The following GDF7 variants were observed in gnomAD, a reference collection of about 807,000 sequenced individuals.
GDF7 encodes the protein growth/differentiation factor 7.
A neutral mutation model predicts 13.4 loss-of-function variants in GDF7; 12 were observed. The ratio of observed to expected loss-of-function variants is 0.90; its 90% CI spans 0.57 to 1.45. The LOEUF (loss-of-function observed/expected upper bound fraction) is 1.45. Ranked by LOEUF, GDF7 falls within the 40% of genes most tolerant of loss-of-function variation. GDF7 has a pLI of 0.00. For missense variants in GDF7, 651 were observed against 652.4 expected (o/e 1.00, Z 0.02); for synonymous variants, 330 against 306.4 (o/e 1.08, Z -0.80).
Position 20,670,452 on chromosome 2 carries a change from G to A in GDF7, c.392-12G>A, listed in dbSNP as rs201812180. On this transcript the variant is annotated splice_polypyrimidine_tract_variant and intron_variant, in intron 1 of 1. Transcript: ENST00000272224. The stretch of plus-strand genomic sequence containing the variant: ...ACAGCTCTTTCTCTCTGTCCCTGCC[G>A]GTCCCCCGCAGACGAATCGGCAGCC... 5.9e-6 allele frequency: 9 copies of A among 1,517,476 alleles called. No homozygotes were observed. Among genetic ancestry groups the A allele is most frequent in the Non-Finnish European group, 8.0e-6 (9 of 1,131,884 alleles). 94.0% of individuals were successfully genotyped at this position (1,517,476 alleles called of 1,614,324 possible).
At position 20,667,274 on chromosome 2, in the gene GDF7, G is replaced by A. The variant is rs1430989898; in HGVS notation, c.35G>A (p.Trp12Ter). ...DLSAAAALCL[W>*]LLSACRPRDG... ...AGCGCCGCCGCCGCGCTGTGCCTTT[G>A]GCTGCTGAGCGCCTGCCGCCCCCGC... The change falls in exon 1 of 2, where the codon TGG becomes TAG. Residue 12 changes from tryptophan (W) to a stop codon, truncating the protein, a stop_gained. Coordinates refer to ENST00000272224, the MANE Select transcript of GDF7 (RefSeq NM_182828.4). LOFTEE classifies it high-confidence loss of function. The surrounding 1 kb of genome is among the most constrained non-coding windows in gnomAD (Gnocchi z 6.4). The A allele has an allele frequency of 1.6e-6, 2 of 1,236,392 alleles. No individual in the cohort carries two copies. The highest frequency in any genetic ancestry group is 2.0e-6 in the Non-Finnish European group (2 of 980,506). The allele number at this position is 1,236,392 out of a possible 1,614,324, so 76.6% of individuals were successfully genotyped here.
chr2:20,667,359 AG>A lies in GDF7; in HGVS notation c.125del (p.Gly42AlafsTer51). 6.4e-6 allele frequency: 2 copies of A among 311,498 alleles called. No homozygotes were observed. The highest frequency in any genetic ancestry group is 7.5e-6 in the Non-Finnish European group (2 of 267,246). 19.3% of individuals were successfully genotyped at this position (311,498 alleles called of 1,614,324 possible). On this transcript the variant is annotated frameshift_variant, in exon 1 of 2. Transcript: ENST00000272224. LOFTEE classifies it high-confidence loss of function. The surrounding 1 kb of genome is among the most constrained non-coding windows in gnomAD (Gnocchi z 6.4). ...AAGAGPVRSP[G>X]GGGGGGGGGR... Reference sequence around the variant, plus strand: ...CGGGGGCTGGGCCGGTCCGGAGCCCAGGGGGCGGCGGCGGCGGCGGCGGCGG... The same window carrying A: ...CGGGGGCTGGGCCGGTCCGGAGCCCAGGGGCGGCGGCGGCGGCGGCGGCGG...
chr2:20,671,665 G>A lies in GDF7; in HGVS notation c.*240G>A. On this transcript the variant is annotated 3_prime_UTR_variant, in exon 2 of 2. Coordinates refer to ENST00000272224, the MANE Select transcript of GDF7 (RefSeq NM_182828.4). ...CCGGTACCGAATGTCAAAGCCCTGT[G>A]TATTTTGCAAACAGATAACCATGGC... 1.9e-6 allele frequency: 1 copy of A among 532,006 alleles called. No homozygotes were observed. The highest frequency in any genetic ancestry group is 1.9e-5 in the African/African-American group (1 of 52,454). The allele number at this position is 532,006 out of a possible 1,614,324, so 33.0% of individuals were successfully genotyped here. A position where few individuals can be genotyped will look rare whatever the true frequency, so the allele number is the denominator to read the frequency against.
rs868341707 is a variant in GDF7 at position 20,667,670 on chromosome 2, C to T, written c.391+40C>T. On this transcript the variant is annotated intron_variant, in intron 1 of 1. Transcript: ENST00000272224. The surrounding 1 kb of genome is among the most constrained non-coding windows in gnomAD (Gnocchi z 6.4). The stretch of plus-strand genomic sequence containing the variant: ...TCTGTGCCCGCCCATCCCGTCAGGT[C>T]CTGGGCTGAGACCAGCCCCGGAGCC... 3.0e-6 allele frequency: 4 copies of T among 1,341,430 alleles called. No individual in the cohort carries two copies. Among genetic ancestry groups the T allele is most frequent in the Non-Finnish European group, 3.8e-6 (4 of 1,045,818 alleles). 83.1% of individuals were successfully genotyped at this position (1,341,430 alleles called of 1,614,324 possible).
rs1261537704 is a variant in GDF7 at position 20,674,186 on chromosome 2, C to A, written c.*2761C>A. 6.6e-6 allele frequency: 1 copy of A among 152,166 alleles called. No individual in the cohort carries two copies. The highest frequency in any genetic ancestry group is 1.5e-5 in the Non-Finnish European group (1 of 68,040). 9.4% of individuals were successfully genotyped at this position (152,166 alleles called of 1,614,324 possible). On this transcript the variant is annotated 3_prime_UTR_variant, in exon 2 of 2. Transcript: ENST00000272224. ...GACAGGCCTGGGTGACTGGCATGAA[C>A]CCAGCTTCTCTGTTGCAACCCCCAG...
At position 20,670,448 on chromosome 2, in the gene GDF7, T is replaced by A. The variant is rs1662095527; in HGVS notation, c.392-16T>A. ...TTACACAGCTCTTTCTCTCTGTCCCTGCCGGTCCCCCGCAGACGAATCGGC... is the reference window on the plus strand; with the variant it reads ...TTACACAGCTCTTTCTCTCTGTCCCAGCCGGTCCCCCGCAGACGAATCGGC... On this transcript the variant is annotated splice_polypyrimidine_tract_variant and intron_variant, in intron 1 of 1. Transcript: ENST00000272224. 1.3e-6 allele frequency: 2 copies of A among 1,515,842 alleles called. No individual in the cohort carries two copies. Among genetic ancestry groups the A allele is most frequent in the Non-Finnish European group, 1.8e-6 (2 of 1,131,156 alleles). The allele number at this position is 1,515,842 out of a possible 1,614,324, so 93.9% of individuals were successfully genotyped here.
rs1662140883 is a variant in GDF7 at position 20,672,241 on chromosome 2, A to C, written c.*816A>C. 6.6e-6 allele frequency: 1 copy of C among 151,014 alleles called. No individual in the cohort carries two copies. The highest frequency in any genetic ancestry group is 1.5e-5 in the Non-Finnish European group (1 of 67,908). The allele number at this position is 151,014 out of a possible 1,614,324, so 9.4% of individuals were successfully genotyped here. Reference sequence around the variant, plus strand: ...TAACAGGATATTGGGGTGGGATAGGATCTGCCAGGTTCGGAAGCTCCCCAG... The same window carrying C: ...TAACAGGATATTGGGGTGGGATAGGCTCTGCCAGGTTCGGAAGCTCCCCAG... On this transcript the variant is annotated 3_prime_UTR_variant, in exon 2 of 2. Coordinates refer to ENST00000272224, the MANE Select transcript of GDF7 (RefSeq NM_182828.4).
intron 1 of GDF7, among the ~76,000 whole-genome samples, chr2:20,669,464 A>G (rs758770960): frequency 6.6e-6 from 1 of 151,966 alleles, no homozygotes; most frequent in East Asian, 1.9e-4. Context: ...AAGAAAAAAG[A>G]GTGTCCACAC....
chr2:20,677,374 C>G lies in GDF7; in HGVS notation c.*5949C>G, dbSNP rs1178985320. ...GCCAGCTGCTTTGCATCTGCATTCC[C>G]GTTTCATTACCTTTTGTGTTGTGGG... On this transcript the variant is annotated 3_prime_UTR_variant, in exon 2 of 2. Coordinates refer to ENST00000272224, the MANE Select transcript of GDF7 (RefSeq NM_182828.4). 1 of 152,234 alleles carries G rather than the reference C, an allele frequency of 6.6e-6. No individual in the cohort carries two copies. 9.4% of individuals were successfully genotyped at this position (152,234 alleles called of 1,614,324 possible). A position where few individuals can be genotyped will look rare whatever the true frequency, so the allele number is the denominator to read the frequency against.
rs1645864216 is a variant in GDF7, at chr2:20,667,191, C to A, written c.-49C>A. 24 of 1,124,496 alleles carry A rather than the reference C, an allele frequency of 2.1e-5. No individual in the cohort carries two copies. The highest frequency in any genetic ancestry group is 2.6e-5 in the Non-Finnish European group (24 of 919,624). 69.7% of individuals were successfully genotyped at this position (1,124,496 alleles called of 1,614,324 possible). ...ATGTTCAAAAGGCGCCGGGGGACTT[C>A]CCGGAGCCACGGAGCCCGCGCCGCC... is the stretch of plus-strand genomic sequence containing the variant. On this transcript the variant is annotated 5_prime_UTR_variant, in exon 1 of 2. Coordinates refer to ENST00000272224, the MANE Select transcript of GDF7 (RefSeq NM_182828.4). The surrounding 1 kb of genome is among the most constrained non-coding windows in gnomAD (Gnocchi z 6.4).
At chr2:20,670,346 G>T (rs963824874) in intron 1 of GDF7, 118 bp from the exon 2 acceptor site, 1 of 1,151,574 alleles carries the variant, frequency 8.7e-7, no homozygotes, top group Non-Finnish European at 1.2e-6. Context: ...GCTCCAACAG[G>T]CCTGGCTCCC....
At position 20,678,211 on chromosome 2, in the gene GDF7, C is replaced by T. The variant is rs894174913; in HGVS notation, c.*6786C>T. The T allele has an allele frequency of 3.3e-5, 5 of 152,372 alleles. No homozygotes were observed. In the Middle Eastern group the frequency reaches 0.01, roughly 311 times the overall value. The allele number at this position is 152,372 out of a possible 1,614,324, so 9.4% of individuals were successfully genotyped here. A position where few individuals can be genotyped will look rare whatever the true frequency, so the allele number is the denominator to read the frequency against. On this transcript the variant is annotated 3_prime_UTR_variant, in exon 2 of 2. Coordinates refer to ENST00000272224, the MANE Select transcript of GDF7 (RefSeq NM_182828.4). ...CAGAGACTCTCAAGAGAGGAATTCT[C>T]TGGCATTCTCTGCCTTGGATAAATC...
rs1402809587 is a variant in GDF7, at chr2:20,678,311, T to C, written c.*6886T>C. On this transcript the variant is annotated 3_prime_UTR_variant, in exon 2 of 2. Transcript: ENST00000272224. ...TTTACACTGTAATGCAAACAGCTTT[T>C]ATGTTTTCTTTGACGAAGAATCATA... is the stretch of plus-strand genomic sequence containing the variant. 2 of 152,274 alleles carry C rather than the reference T, an allele frequency of 1.3e-5. No homozygotes were observed. Among genetic ancestry groups the C allele is most frequent in the Non-Finnish European group, 2.9e-5 (2 of 68,050 alleles). 9.4% of individuals were successfully genotyped at this position (152,274 alleles called of 1,614,324 possible).
Position 20,671,048 on chromosome 2 carries a change from G to C in GDF7, c.976G>C (p.Gly326Arg), listed in dbSNP as rs906704049. 4 of 1,510,710 alleles carry C rather than the reference G, an allele frequency of 2.6e-6. No individual in the cohort carries two copies. The highest frequency in any genetic ancestry group is 1.5e-5 in the African/African-American group (1 of 68,690). 93.6% of individuals were successfully genotyped at this position (1,510,710 alleles called of 1,614,324 possible). A position where few individuals can be genotyped will look rare whatever the true frequency, so the allele number is the denominator to read the frequency against. The change falls in exon 2 of 2, where the codon GGG becomes CGG. Residue 326 changes from glycine to arginine, a missense_variant. Physicochemically the swap from Gly to Arg is moderately radical, Grantham distance 125. Coordinates refer to ENST00000272224, the MANE Select transcript of GDF7 (RefSeq NM_182828.4). ...CAGACGGAGGAGGACGGCGTTGGCC[G>C]GGACGCGGACAGCGCAGGGCAGCGG... ...GRRRRRTALA[G>R]TRTAQGSGGG...
At position 20,667,294 on chromosome 2, in the gene GDF7, C is replaced by T. The variant is rs757341106; in HGVS notation, c.55C>T (p.Pro19Ser). The T allele has an allele frequency of 8.3e-7, 1 of 1,202,952 alleles. No homozygotes were observed. The highest frequency in any genetic ancestry group is 2.3e-5 in the South Asian group (1 of 43,318). The allele number at this position is 1,202,952 out of a possible 1,614,324, so 74.5% of individuals were successfully genotyped here. A position where few individuals can be genotyped will look rare whatever the true frequency, so the allele number is the denominator to read the frequency against. Residue 19 changes from proline to serine, a missense_variant, in exon 1 of 2, where the codon CCC (proline) becomes TCC (serine). Physicochemically the swap from Pro to Ser is moderately conservative, Grantham distance 74. Around this residue, in one of 4 missense-constraint regions of GDF7, gnomAD observed 61 missense variants for 50.5 expected, o/e 1.21. Transcript: ENST00000272224. The surrounding 1 kb of genome is among the most constrained non-coding windows in gnomAD (Gnocchi z 6.4). ...CCTTTGGCTGCTGAGCGCCTGCCGC[C>T]CCCGCGACGGGCTGGAAGCGGCCGC... is the stretch of plus-strand genomic sequence containing the variant. ...LCLWLLSACR[P>S]RDGLEAAAVL... is the part of the protein sequence containing the mutation.
At position 20,670,718 on chromosome 2, in the gene GDF7, G is replaced by T; in HGVS notation, c.646G>T (p.Ala216Ser). Residue 216 changes from alanine (A) to serine (S), a missense_variant, in exon 2 of 2, where the codon GCC (alanine) becomes TCC (serine). This residue lies in a region of GDF7 where 487 missense variants were observed against 445.9 expected (regional missense o/e 1.09). Transcript: ENST00000272224. ...QRWEAFDVAD[A>S]MRRHRREPRP... is the part of the protein sequence containing the mutation. ...CTGGGAGGCGTTCGACGTGGCGGAC[G>T]CCATGAGGCGCCACCGTCGTGAACC... is the stretch of plus-strand genomic sequence containing the variant. 2 of 1,477,284 alleles carry T rather than the reference G, an allele frequency of 1.4e-6. No individual in the cohort carries two copies. Among genetic ancestry groups the T allele is most frequent in the Non-Finnish European group, 1.8e-6 (2 of 1,120,036 alleles). 91.5% of individuals were successfully genotyped at this position (1,477,284 alleles called of 1,614,324 possible).
Position 20,669,364 on chromosome 2 carries a change from C to G in GDF7, c.392-1100C>G, listed in dbSNP as rs13006871. Among the ~76,000 whole-genome samples the G allele has an allele frequency of 2.0e-5, 3 of 152,028 alleles. No individual in the cohort carries two copies. The East Asian group carries it at 5.8e-4, about 29-fold the overall frequency. On this transcript the variant is annotated intron_variant, in intron 1 of 1. Transcript: ENST00000272224. ...AGTCTCTCCGAGTTTAGGGGCAAAA[C>G]GAAACCATATGACCCCCTTCAAAGG...
In GDF7 at chr2:20,670,732, C is replaced by T; in HGVS notation, c.660C>T (p.His220=). 1 of 1,478,392 alleles carries T rather than the reference C, an allele frequency of 6.8e-7. No individual in the cohort carries two copies. The highest frequency in any genetic ancestry group is 8.9e-7 in the Non-Finnish European group (1 of 1,120,450). 91.6% of individuals were successfully genotyped at this position (1,478,392 alleles called of 1,614,324 possible). ...ACGTGGCGGACGCCATGAGGCGCCA[C>T]CGTCGTGAACCGCGCCCCCCCCGCG... The part of the protein sequence containing the change: ...AFDVADAMRR[H]RREPRPPRAF... Residue 220 remains histidine, a synonymous_variant, in exon 2 of 2, where the codon CAC becomes CAT. Transcript: ENST00000272224.
Position 20,673,203 on chromosome 2 carries a change from A to AAT in GDF7, c.*1779_*1780insTA, listed in dbSNP as rs1662161614. ...TCATCCTGTAAAATTCTCCCAAAAGAAAAAAAAATACACGTGTAAATTACT... is the reference window on the plus strand; with the variant it reads ...TCATCCTGTAAAATTCTCCCAAAAGAATAAAAAAAATACACGTGTAAATTACT... On this transcript the variant is annotated 3_prime_UTR_variant, in exon 2 of 2. Transcript: ENST00000272224. The AAT allele has an allele frequency of 1.0e-5, 1 of 97,486 alleles. No homozygotes were observed. 6.0% of individuals were successfully genotyped at this position (97,486 alleles called of 1,614,324 possible).
Sources: allele counts gnomAD v4.1 joint callset (sites outside exome capture counted in the v4.1 genomes callset), GRCh38; gene constraint gnomAD v4.1.1; regional missense constraint gnomAD v4.1.1; non-coding constraint Gnocchi (gnomAD v3.1); transcripts MANE v1.5; gene names NCBI Gene and HGNC (gene_info 2026-07-23, HGNC 2026-07-21).